BMPR1B: variants seen among roughly 807,000 people sequenced by gnomAD.
The protein encoded by BMPR1B is bone morphogenetic protein receptor type 1B, also known as bone morphogenetic protein receptor type-1B.
A neutral mutation model predicts 59.1 loss-of-function variants in BMPR1B; 12 were observed. That is an observed-to-expected ratio of 0.20 (90% confidence interval 0.13 to 0.33). BMPR1B has a LOEUF of 0.33. Among genes scored for constraint, BMPR1B ranks in the 10% least tolerant of loss-of-function variants. BMPR1B has a pLI of 1.00. For missense variants in BMPR1B, 550 were observed against 610.9 expected (o/e 0.90, Z 1.05); for synonymous variants, 237 against 207.3 (o/e 1.14, Z -1.23).
chr4:94,790,079 A>G (rs780051056), intron 1 of BMPR1B, among the ~76,000 whole-genome samples: 1 of 152,184 alleles, frequency 6.6e-6, no homozygotes, highest in Admixed American at 6.5e-5. Flanking sequence ...AGAACACGGT[A>G]TGTAATACAT....
intron 10 of BMPR1B, among the ~76,000 whole-genome samples, chr4:95,147,885 C>G (rs552654494): frequency 6.6e-6 from 1 of 152,266 alleles, no homozygotes; most frequent in Admixed American, 6.5e-5. Flanking sequence ...GGCTCCAGCT[C>G]ATCGCACTGA....
At chr4:94,873,856 T>C (rs1278610391) in intron 1 of BMPR1B, among the ~76,000 whole-genome samples, 1 of 152,218 alleles carries the variant, frequency 6.6e-6, no homozygotes, top group Non-Finnish European at 1.5e-5. Flanking sequence ...CACGTTATTG[T>C]GCAACAGATT....
chr4:94,978,690 A>G (rs769116385), intron 2 of BMPR1B, among the ~76,000 whole-genome samples: 1 of 152,210 alleles, frequency 6.6e-6, no homozygotes, highest in Non-Finnish European at 1.5e-5. Context: ...CTTAGAACCC[A>G]CCTCTCAATG....
chr4:95,150,010 T>G (rs547622955), intron 11 of BMPR1B, among the ~76,000 whole-genome samples: 1 of 152,210 alleles, frequency 6.6e-6, no homozygotes, highest in Non-Finnish European at 1.5e-5. Flanking sequence ...TTTTGGTTGG[T>G]AGAGCCATAA....
rs547013991 is a variant in BMPR1B, at chr4:95,036,179, C to T, written c.-18+40045C>T. Among the ~76,000 whole-genome samples, 29 of 152,096 alleles carry T rather than the reference C, an allele frequency of 1.9e-4. No individual in the cohort carries two copies. In the East Asian group the frequency reaches 3.1e-3, roughly 16 times the overall value. On this transcript the variant is annotated intron_variant, in intron 3 of 12. Coordinates refer to ENST00000515059, the MANE Select transcript of BMPR1B (RefSeq NM_001203.3). ...ATATAGACATACAATGTGTAATAAT[C>T]GTATCAGGGCAAATGGGGTATCCAT...
chr4:94,875,946 A>G (rs553500805), intron 2 of BMPR1B, 46 bp downstream of exon 2: 2 of 152,758 alleles, frequency 1.3e-5, no homozygotes, highest in South Asian at 4.1e-4. Flanking sequence ...TTTGGTAGGC[A>G]TCGTTACTGC....
intron 1 of BMPR1B, among the ~76,000 whole-genome samples, chr4:94,862,156 TTG>T (rs1197075905): frequency 3.3e-5 from 5 of 151,830 alleles, no homozygotes; most frequent in African/African-American, 1.2e-4. Flanking sequence ...CTGTTTTTTT[TTG>T]TTGTTTTTTT....
chr4:95,048,546 A>T (rs767314568), intron 3 of BMPR1B, among the ~76,000 whole-genome samples: 12 of 152,062 alleles, frequency 7.9e-5, no homozygotes, highest in Non-Finnish European at 1.8e-4. Context: ...CATTTCTCTG[A>T]TAGTGATGTT....
intron 1 of BMPR1B, among the ~76,000 whole-genome samples, chr4:94,858,337 A>G (rs530946540): frequency 2.5e-4 from 38 of 152,318 alleles, no homozygotes; most frequent in African/African-American, 7.9e-4. Context: ...AAGAATTTCA[A>G]TAGAAATGCA....
chr4:94,763,593 C>G (rs1255185215), intron 1 of BMPR1B, among the ~76,000 whole-genome samples: 1 of 152,210 alleles, frequency 6.6e-6, no homozygotes, highest in African/African-American at 2.4e-5. Context: ...TCCAGTATAT[C>G]TGTTTATAAC....
At position 95,128,890 on chromosome 4, in the gene BMPR1B, AG is replaced by A. The variant is rs1733093755; in HGVS notation, c.586-971del. ...GTTGTTTCTGTTGACTCTCATTTATAGTGACTGTTTCTTTGTTCTAAAGAAT... is the reference window on the plus strand; with the variant it reads ...GTTGTTTCTGTTGACTCTCATTTATATGACTGTTTCTTTGTTCTAAAGAAT... On this transcript the variant is annotated intron_variant, in intron 8 of 12. Coordinates refer to ENST00000515059, the MANE Select transcript of BMPR1B (RefSeq NM_001203.3). Among the ~76,000 whole-genome samples the A allele has an allele frequency of 2.0e-5, 3 of 152,268 alleles. No homozygotes were observed. The South Asian group carries it at 6.2e-4, about 32-fold the overall frequency.
At position 94,916,888 on chromosome 4, in the gene BMPR1B, T is replaced by A. The variant is rs149015676; in HGVS notation, c.-113+40988T>A. Among the ~76,000 whole-genome samples the A allele has an allele frequency of 5.2e-3, 786 of 152,172 alleles. 3 individuals carry two copies. The highest frequency in any genetic ancestry group is 0.01 in the Middle Eastern group (3 of 294). Reference sequence around the variant, plus strand: ...TCAGAGGCCTGGGAGGGAAGAATGGTTTCGTGGGACAGGCCCAGGGACCTG... The same window carrying A: ...TCAGAGGCCTGGGAGGGAAGAATGGATTCGTGGGACAGGCCCAGGGACCTG... On this transcript the variant is annotated intron_variant, in intron 2 of 12. Transcript: ENST00000515059.
At chr4:95,131,829 G>A (rs1733382644) in intron 10 of BMPR1B, among the ~76,000 whole-genome samples, 1 of 152,188 alleles carries the variant, frequency 6.6e-6, no homozygotes, top group South Asian at 2.1e-4. Context: ...GTAGGAAAAA[G>A]TTTTGGGGAA....
intron 2 of BMPR1B, among the ~76,000 whole-genome samples, chr4:94,884,592 T>C (rs1026247675): frequency 5.9e-5 from 9 of 152,162 alleles, no homozygotes; most frequent in African/African-American, 2.2e-4. Flanking sequence ...ATAAGAGTTG[T>C]AACCACCCTA....
chr4:94,997,055 G>A (rs563560858), intron 3 of BMPR1B, among the ~76,000 whole-genome samples: 1 of 152,120 alleles, frequency 6.6e-6, no homozygotes, highest in Non-Finnish European at 1.5e-5. Context: ...ACTACACATG[G>A]ACTAGAAAGT....
intron 1 of BMPR1B, among the ~76,000 whole-genome samples, chr4:94,854,831 C>T (rs1725696447): frequency 1.3e-5 from 2 of 152,284 alleles, no homozygotes; most frequent in Non-Finnish European, 1.5e-5. Context: ...TTTATGTGAT[C>T]CCCTTGAGAA....
intron 1 of BMPR1B, among the ~76,000 whole-genome samples, chr4:94,836,236 T>C (rs1724813584): frequency 6.6e-6 from 1 of 151,292 alleles, no homozygotes; most frequent in Admixed American, 6.6e-5. Flanking sequence ...GCATGTGTCT[T>C]TATAGCAGCA....
intron 3 of BMPR1B, among the ~76,000 whole-genome samples, chr4:95,034,877 C>T (rs1725124478): frequency 1.3e-5 from 2 of 152,100 alleles, no homozygotes; most frequent in East Asian, 1.9e-4. Flanking sequence ...AGCGGTTGTA[C>T]TAGTTTACAT....
chr4:95,115,428 C>G (rs1392587290), intron 5 of BMPR1B, among the ~76,000 whole-genome samples: 2 of 152,166 alleles, frequency 1.3e-5, no homozygotes, highest in African/African-American at 4.8e-5. Flanking sequence ...TCCAAGCCTT[C>G]TTCCTCAGTT....
Sources: gnomAD v4.1 joint callset for allele counts (sites outside exome capture counted in the v4.1 genomes callset) on GRCh38, gnomAD v4.1.1 for gene constraint, MANE v1.5 for transcripts, NCBI Gene and HGNC (gene_info 2026-07-23, HGNC 2026-07-21) for gene names.